Variants in SLC9A7 observed in about 807,000 individuals in gnomAD.
SLC9A7 encodes the protein sodium/hydrogen exchanger 7.
SLC9A7 carries 19 observed loss-of-function variants against 52.6 expected under a neutral mutation model. The observed-to-expected ratio is 0.36, with a 90% CI of 0.25 to 0.53. The LOEUF is 0.53. SLC9A7 is among the 20% of genes least tolerant of loss of function. The probability of loss-of-function intolerance (pLI) is 0.91; values close to 1 mark genes in which losing one functional copy is unlikely to be tolerated. For synonymous variants in SLC9A7, 226 were observed against 252.1 expected (o/e 0.90, Z 0.98); for missense variants, 455 against 597.9 (o/e 0.76, Z 2.49).
chrX:46,613,839 C>T (rs777736244), intron 15 of SLC9A7, among the ~76,000 whole-genome samples: 3 of 111,664 alleles, frequency 2.7e-5, no homozygotes, highest in East Asian at 2.8e-4. Flanking sequence ...AACCACTCTA[C>T]CCAGAGGGCA....
intron 1 of SLC9A7, among the ~76,000 whole-genome samples, chrX:46,701,891 A>C (rs1944537511): frequency 8.9e-6 from 1 of 111,836 alleles, no homozygotes; most frequent in South Asian, 3.8e-4. Flanking sequence ...CACTCAGCTT[A>C]ATCAATAGCA....
chrX:46,716,291 G>C (rs1028701704), intron 1 of SLC9A7, among the ~76,000 whole-genome samples: 1 of 111,707 alleles, frequency 9.0e-6, no homozygotes, highest in African/African-American at 3.3e-5. Flanking sequence ...GTAAAGATAT[G>C]CTTATTTTGA....
At chrX:46,757,103 G>T (rs944286396) in intron 1 of SLC9A7, among the ~76,000 whole-genome samples, 8 of 111,874 alleles carry the variant, frequency 7.2e-5, no homozygotes, top group Non-Finnish European at 1.5e-4. Flanking sequence ...ATATTTTCAC[G>T]GTTATCTATA....
At chrX:46,613,956 C>T (rs755571451) in intron 15 of SLC9A7, among the ~76,000 whole-genome samples, 10 of 112,023 alleles carry the variant, frequency 8.9e-5, no homozygotes, top group African/African-American at 1.6e-4. Context: ...TAAGGTTACT[C>T]GGACTGTAAG....
At chrX:46,756,005 T>TAC (rs1435475539) in intron 1 of SLC9A7, among the ~76,000 whole-genome samples, 31 of 108,887 alleles carry the variant, frequency 2.8e-4, no homozygotes, top group African/African-American at 9.6e-4. Context: ...TATATAAATT[T>TAC]ATATATATAT....
At chrX:46,650,069 G>A (rs1440653062) in intron 10 of SLC9A7, among the ~76,000 whole-genome samples, 1 of 112,654 alleles carries the variant, frequency 8.9e-6, no homozygotes, top group East Asian at 2.8e-4. Context: ...AGGCTCTCAC[G>A]CTAGAAGGAT....
intron 1 of SLC9A7, among the ~76,000 whole-genome samples, chrX:46,712,693 T>C (rs964773528): frequency 8.9e-6 from 1 of 112,435 alleles, no homozygotes; most frequent in African/African-American, 3.2e-5. Context: ...AGATTTGCTT[T>C]AGAATTTAAG....
At chrX:46,724,558 A>G (rs1366823489) in intron 1 of SLC9A7, among the ~76,000 whole-genome samples, 2 of 112,360 alleles carry the variant, frequency 1.8e-5, no homozygotes, top group Non-Finnish European at 3.8e-5. Context: ...ATATCAAGAA[A>G]TATTCATTAT....
intron 14 of SLC9A7, among the ~76,000 whole-genome samples, chrX:46,622,490 T>G (rs942435430): frequency 1.8e-5 from 2 of 111,713 alleles, no homozygotes; most frequent in African/African-American, 6.5e-5. Flanking sequence ...CTGTAGAATT[T>G]TACTAAGGAA....
At position 46,602,336 on chromosome X, in the gene SLC9A7, C is replaced by T. The variant is rs929504544; in HGVS notation, c.*4616G>A. The stretch of plus-strand genomic sequence containing the variant: ...CTGTATTACTGATCAATACTCAGTT[C>T]GTTTCACATGACTAACAATTTAAAA... On this transcript the variant is annotated 3_prime_UTR_variant, in exon 17 of 17. Transcript: ENST00000616978. 6.2e-5 allele frequency: 7 copies of T among 112,053 alleles called. No homozygotes were observed. Among genetic ancestry groups the T allele is most frequent in the African/African-American group, 1.3e-4 (4 of 30,761 alleles). The allele number at this position is 112,053 out of a possible 1,213,427, so 9.2% of individuals were successfully genotyped here. A position where few individuals can be genotyped will look rare whatever the true frequency, so the allele number is the denominator to read the frequency against.
intron 6 of SLC9A7, 79 bp downstream of exon 6, chrX:46,662,454 ACATTT>A: frequency 1.5e-6 from 1 of 677,321 alleles, no homozygotes; most frequent in Admixed American, 3.1e-5. Context: ...AATATGTAAT[ACATTT>A]AAGATAAGCC....
chrX:46,682,150 G>A (rs920222532), intron 2 of SLC9A7, among the ~76,000 whole-genome samples, 186 bp downstream of exon 2: 3 of 111,557 alleles, frequency 2.7e-5, no homozygotes, highest in Non-Finnish European at 3.8e-5. Flanking sequence ...CAGCTGAAAG[G>A]CTCAAGTTGA....
At chrX:46,646,965 C>A in intron 11 of SLC9A7, 1 of 327,948 alleles carries the variant, frequency 3.0e-6, no homozygotes. Context: ...GATGATCGGG[C>A]TCTATGAGAG....
chrX:46,705,027 G>T (rs1172924015), intron 1 of SLC9A7, among the ~76,000 whole-genome samples: 1 of 112,272 alleles, frequency 8.9e-6, no homozygotes, highest in Non-Finnish European at 1.9e-5. Flanking sequence ...TTCACAGTTG[G>T]GCCTTTCAAG....
At chrX:46,659,441 T>G (rs1943770647) in intron 7 of SLC9A7, among the ~76,000 whole-genome samples, 1 of 72,010 alleles carries the variant, frequency 1.4e-5, no homozygotes, top group Non-Finnish European at 2.6e-5. Flanking sequence ...TTGTCCCTGT[T>G]TGCAGATGAC....
chrX:46,622,940 G>A (rs771548908), intron 14 of SLC9A7, among the ~76,000 whole-genome samples: 2 of 111,965 alleles, frequency 1.8e-5, no homozygotes, highest in Admixed American at 9.5e-5. Context: ...AAGAAACAAC[G>A]CTTAGAGGCT....
intron 15 of SLC9A7, among the ~76,000 whole-genome samples, chrX:46,620,606 A>G (rs1054597268): frequency 9.0e-6 from 1 of 111,598 alleles, no homozygotes; most frequent in Non-Finnish European, 1.9e-5. Context: ...AATAGGAATT[A>G]TCCTCCCCAT....
chrX:46,639,105 T>A (rs1384996220), intron 12 of SLC9A7, among the ~76,000 whole-genome samples: 1 of 111,476 alleles, frequency 9.0e-6, no homozygotes, highest in African/African-American at 3.3e-5. Flanking sequence ...ACAAGAAAAA[T>A]CATATGATCA....
intron 1 of SLC9A7, among the ~76,000 whole-genome samples, chrX:46,699,424 A>T (rs762835878): frequency 9.0e-6 from 1 of 111,578 alleles, no homozygotes; most frequent in Non-Finnish European, 1.9e-5. Flanking sequence ...AGAGGTGCTC[A>T]TTGAAAACTA....
Sources: gnomAD v4.1 joint callset for allele counts (sites outside exome capture counted in the v4.1 genomes callset) on GRCh38, gnomAD v4.1.1 for gene constraint, MANE v1.5 for transcripts, NCBI Gene and HGNC (gene_info 2026-07-23, HGNC 2026-07-21) for gene names.